Variants in SYNDIG1 observed in about 807,000 individuals in gnomAD.
The protein encoded by SYNDIG1 is synapse differentiation-inducing gene protein 1.
Under a neutral mutation model 19.4 loss-of-function variants are expected in SYNDIG1, and 9 were observed. The ratio of observed to expected loss-of-function variants is 0.46; its 90% CI spans 0.28 to 0.81. The LOEUF (loss-of-function observed/expected upper bound fraction) is 0.81. Among genes scored for constraint, SYNDIG1 ranks in the 30% least tolerant of loss-of-function variants. The pLI, the probability that SYNDIG1 is intolerant of heterozygous loss-of-function variation, is 0.12. For missense variants in SYNDIG1, 311 were observed against 343.3 expected, an observed-to-expected ratio of 0.91 and a Z score of 0.74; for synonymous variants, 141 against 145.9, an observed-to-expected ratio of 0.97 and a Z score of 0.24.
At chr20:24,640,926 C>T (rs574348535) in intron 3 of SYNDIG1, among the ~76,000 whole-genome samples, 14 of 152,368 alleles carry the variant, frequency 9.2e-5, no homozygotes, top group Non-Finnish European at 2.1e-4. Context: ...CACAACTGTT[C>T]ACTCCAAAGT....
chr20:24,549,243 A>G (rs972522187), intron 2 of SYNDIG1, among the ~76,000 whole-genome samples: 1 of 151,990 alleles, frequency 6.6e-6, no homozygotes, highest in Non-Finnish European at 1.5e-5. Context: ...CCCACTCTCT[A>G]CTATTCTTCC....
intron 1 of SYNDIG1, among the ~76,000 whole-genome samples, chr20:24,519,839 G>A (rs939039271): frequency 6.8e-6 from 1 of 148,122 alleles, no homozygotes; most frequent in Non-Finnish European, 1.5e-5. Context: ...ACGCGCACAT[G>A]CACACACACA....
At chr20:24,577,649 T>C (rs2058251571) in intron 2 of SYNDIG1, among the ~76,000 whole-genome samples, 1 of 152,230 alleles carries the variant, frequency 6.6e-6, no homozygotes, top group Non-Finnish European at 1.5e-5. Context: ...CTCCCGTAGA[T>C]GCAGAGGGGC....
intron 2 of SYNDIG1, among the ~76,000 whole-genome samples, chr20:24,559,393 A>G (rs537542064): frequency 2.0e-5 from 3 of 152,242 alleles, no homozygotes; most frequent in Non-Finnish European, 4.4e-5. Flanking sequence ...TGACCTGACC[A>G]CTATGCAATT....
At chr20:24,531,508 C>A (rs1600539002) in intron 1 of SYNDIG1, among the ~76,000 whole-genome samples, 1 of 151,924 alleles carries the variant, frequency 6.6e-6, no homozygotes, top group Middle Eastern at 3.4e-3. Flanking sequence ...TTCTGTATTT[C>A]TTTATTCATG....
rs1405692302 is a variant in SYNDIG1, at chr20:24,658,047, A to G, written c.619-7299A>G. Among the ~76,000 whole-genome samples the G allele has an allele frequency of 6.6e-6, 1 of 151,788 alleles. No homozygotes were observed. The highest frequency in any genetic ancestry group is 1.5e-5 in the Non-Finnish European group (1 of 67,946). On this transcript the variant is annotated intron_variant, in intron 3 of 3. Coordinates refer to ENST00000376862, the MANE Select transcript of SYNDIG1 (RefSeq NM_024893.3). The surrounding 1 kb of genome is among the most constrained non-coding windows in gnomAD (Gnocchi z 4.4). ...CCCCCAGCTGTGCTGGCCCCGGTCCATGGATGACGGGGACTGTGGAAACAG... is the reference window on the plus strand; with the variant it reads ...CCCCCAGCTGTGCTGGCCCCGGTCCGTGGATGACGGGGACTGTGGAAACAG...
chr20:24,537,503 G>A (rs900656410), intron 1 of SYNDIG1, among the ~76,000 whole-genome samples: 65 of 151,618 alleles, frequency 4.3e-4, no homozygotes, highest in African/African-American at 1.5e-3. Context: ...TCAGTCCACA[G>A]CCAGTCTTGT....
chr20:24,551,021 C>A (rs2146794221), intron 2 of SYNDIG1, among the ~76,000 whole-genome samples: 1 of 152,228 alleles, frequency 6.6e-6, no homozygotes, highest in South Asian at 2.1e-4. Flanking sequence ...ATATTGGCTG[C>A]ATAGAATAAG....
intron 3 of SYNDIG1, 41 bp from the exon 4 acceptor site, chr20:24,665,305 C>A: frequency 6.4e-7 from 1 of 1,569,942 alleles, no homozygotes; most frequent in Non-Finnish European, 8.6e-7. Context: ...CTTGTTCCGA[C>A]TTGCTTACAA....
chr20:24,604,565 A>G (rs1234444027), intron 3 of SYNDIG1, among the ~76,000 whole-genome samples: 1 of 152,174 alleles, frequency 6.6e-6, no homozygotes. Flanking sequence ...AAGTTGCCCT[A>G]TATGGTCCAA....
intron 1 of SYNDIG1, among the ~76,000 whole-genome samples, chr20:24,526,948 T>C (rs1001022526): frequency 6.6e-6 from 1 of 152,212 alleles, no homozygotes; most frequent in Admixed American, 6.5e-5. Flanking sequence ...CTATTTTCCT[T>C]TGACTGCTTT....
chr20:24,567,520 C>T (rs950209473), intron 2 of SYNDIG1, among the ~76,000 whole-genome samples: 1 of 152,232 alleles, frequency 6.6e-6, no homozygotes, highest in South Asian at 2.1e-4. Flanking sequence ...CTGGGGCCCT[C>T]TTGAAAAGAG....
intron 3 of SYNDIG1, among the ~76,000 whole-genome samples, chr20:24,626,296 G>A (rs11905927): frequency 2.2e-3 from 323 of 149,824 alleles, no homozygotes; most frequent in Non-Finnish European, 4.0e-3. Context: ...GCAGCCGGGC[G>A]GAGGGGCTCC....
intron 3 of SYNDIG1, among the ~76,000 whole-genome samples, chr20:24,661,553 AAAAAAGAG>A (rs2059602178): frequency 1.4e-4 from 7 of 50,700 alleles, no homozygotes; most frequent in Non-Finnish European, 2.4e-4. Flanking sequence ...GGGAGGGAGG[AAAAAAGAG>A]AGGAAGGAGG....
chr20:24,501,108 T>C (rs548044164), intron 1 of SYNDIG1, among the ~76,000 whole-genome samples: 1 of 152,370 alleles, frequency 6.6e-6, no homozygotes, highest in South Asian at 2.1e-4. Context: ...TATCTACTTA[T>C]CTACCTATGT....
At chr20:24,632,039 A>G (rs1568702639) in intron 3 of SYNDIG1, among the ~76,000 whole-genome samples, 1 of 152,158 alleles carries the variant, frequency 6.6e-6, no homozygotes. Flanking sequence ...CTGTAGCCTC[A>G]TCCTCTGCTC....
chr20:24,556,603 T>G (rs2057823629), intron 2 of SYNDIG1, among the ~76,000 whole-genome samples: 1 of 152,222 alleles, frequency 6.6e-6, no homozygotes, highest in African/African-American at 2.4e-5. Flanking sequence ...GGGTTGAAAA[T>G]TCTTTTCTTT....
chr20:24,620,583 A>G (rs2059023110), intron 3 of SYNDIG1, among the ~76,000 whole-genome samples: 2 of 152,236 alleles, frequency 1.3e-5, no homozygotes, highest in Admixed American at 6.5e-5. Flanking sequence ...TTATGATCCA[A>G]CCTTCAAAGC....
intron 3 of SYNDIG1, among the ~76,000 whole-genome samples, chr20:24,662,171 C>A (rs2059610532): frequency 6.6e-6 from 1 of 151,714 alleles, no homozygotes; most frequent in African/African-American, 2.4e-5. Context: ...ACAACTTCAG[C>A]TAAAGCACGT....
Sources: allele counts gnomAD v4.1 joint callset (sites outside exome capture counted in the v4.1 genomes callset), GRCh38; gene constraint gnomAD v4.1.1; non-coding constraint Gnocchi (gnomAD v3.1); transcripts MANE v1.5; gene names NCBI Gene and HGNC (gene_info 2026-07-23, HGNC 2026-07-21).